THSD4: variants seen among roughly 807,000 people sequenced by gnomAD.
THSD4 encodes the protein thrombospondin type-1 domain-containing protein 4.
THSD4 carries 69 observed loss-of-function variants against 119.0 expected under a neutral mutation model. That is an observed-to-expected ratio of 0.58 (90% CI 0.48 to 0.71). THSD4 has a LOEUF of 0.71. Ranked by LOEUF, THSD4 falls within the 30% of genes least tolerant of loss-of-function variation. The pLI is 0.00. For synonymous variants in THSD4, 524 were observed against 540.4 expected, an observed-to-expected ratio of 0.97 and a Z score of 0.42; for missense variants, 1,393 against 1,391.1, an observed-to-expected ratio of 1.00 and a Z score of -0.02.
chr15:71,110,731 C>T (rs1330129624), upstream of THSD4: 4 of 185,026 alleles, frequency 2.2e-5, no homozygotes, highest in Non-Finnish European at 3.4e-5. Flanking sequence ...CCCTGCCTTC[C>T]TCAGGGTCTT....
chr15:71,444,584 A>G (rs144528769), intron 7 of THSD4, among the ~76,000 whole-genome samples: 136 of 152,324 alleles, frequency 8.9e-4, no homozygotes, highest in African/African-American at 3.0e-3. Flanking sequence ...GCTGCACGTG[A>G]CTAAACCTGA....
intron 14 of THSD4, among the ~76,000 whole-genome samples, chr15:71,750,489 G>A (rs1418591240): frequency 6.6e-6 from 1 of 152,176 alleles, no homozygotes; most frequent in East Asian, 1.9e-4. Flanking sequence ...AGAGAGGAAG[G>A]ACAAACCTGC....
intron 1 of THSD4, among the ~76,000 whole-genome samples, chr15:71,134,782 C>G (rs2040534148): frequency 6.6e-6 from 1 of 152,236 alleles, no homozygotes; most frequent in Non-Finnish European, 1.5e-5. Context: ...TCTCCAGCAC[C>G]TGTTGTTTCC....
At chr15:71,156,900 A>T (rs2040783562) in intron 3 of THSD4, among the ~76,000 whole-genome samples, 1 of 152,136 alleles carries the variant, frequency 6.6e-6, no homozygotes, top group Non-Finnish European at 1.5e-5. Flanking sequence ...AAACCTGGCC[A>T]AGGTCTAAGC....
intron 6 of THSD4, among the ~76,000 whole-genome samples, chr15:71,388,569 A>T (rs986795526): frequency 6.6e-6 from 1 of 152,080 alleles, no homozygotes; most frequent in African/African-American, 2.4e-5. Context: ...TATAGGACAG[A>T]GTGGTCTGGT....
At chr15:71,639,346 A>G (rs2050810362) in intron 7 of THSD4, among the ~76,000 whole-genome samples, 1 of 152,232 alleles carries the variant, frequency 6.6e-6, no homozygotes, top group Non-Finnish European at 1.5e-5. Context: ...TGGGAATGAC[A>G]TTCACTTAAG....
At position 71,599,626 on chromosome 15, in the gene THSD4, C is replaced by T. The variant is rs113955968; in HGVS notation, c.1153-60904C>T. Among the ~76,000 whole-genome samples the T allele has an allele frequency of 5.0e-3, 759 of 152,290 alleles. 6 individuals carry two copies. Among genetic ancestry groups the T allele is most frequent in the African/African-American group, 0.017 (712 of 41,552 alleles). ...CAGGCTAATTACATGCCATCAAGCC[C>T]GTGGTATGTGCTCCCCTGGCAAGGC... is the stretch of plus-strand genomic sequence containing the variant. On this transcript the variant is annotated intron_variant, in intron 7 of 17. Transcript: ENST00000261862.
At chr15:71,146,280 C>T (rs2040659980) in intron 2 of THSD4, among the ~76,000 whole-genome samples, 1 of 152,198 alleles carries the variant, frequency 6.6e-6, no homozygotes, top group Non-Finnish European at 1.5e-5. Context: ...GCACAAACCA[C>T]ACCCATAAGC....
chr15:71,569,863 G>A (rs1053281472), intron 7 of THSD4, among the ~76,000 whole-genome samples: 1 of 152,162 alleles, frequency 6.6e-6, no homozygotes, highest in Non-Finnish European at 1.5e-5. Context: ...ACGTGGTGGT[G>A]TGTGCCTGTA....
chr15:71,628,683 T>A (rs1304982856), intron 7 of THSD4, among the ~76,000 whole-genome samples: 5 of 152,212 alleles, frequency 3.3e-5, no homozygotes, highest in Non-Finnish European at 7.3e-5. Flanking sequence ...AACAAGGGTG[T>A]CAATACACTT....
intron 6 of THSD4, among the ~76,000 whole-genome samples, chr15:71,339,538 G>A (rs1047244067): frequency 1.3e-5 from 2 of 151,944 alleles, no homozygotes; most frequent in African/African-American, 2.4e-5. Context: ...ATCTATTATC[G>A]ATCAGGTATG....
chr15:71,456,158 G>A (rs1165351353), intron 7 of THSD4, among the ~76,000 whole-genome samples: 1 of 152,118 alleles, frequency 6.6e-6, no homozygotes, highest in Non-Finnish European at 1.5e-5. Context: ...TTTACTTTTG[G>A]ATTACTTAAA....
chr15:71,660,861 G>A (rs2051292633), intron 8 of THSD4, 127 bp downstream of exon 8: 7 of 1,030,164 alleles, frequency 6.8e-6, no homozygotes, highest in East Asian at 2.6e-5. Flanking sequence ...CCTGGGGAAT[G>A]TCAAAGTACC....
chr15:71,753,293 G>A (rs1396005820), intron 14 of THSD4, among the ~76,000 whole-genome samples: 2 of 152,138 alleles, frequency 1.3e-5, no homozygotes, highest in African/African-American at 4.8e-5. Context: ...TCAATGATAG[G>A]TTTAAGCCCA....
intron 4 of THSD4, among the ~76,000 whole-genome samples, chr15:71,236,930 C>T (rs370791246): frequency 1.1e-4 from 16 of 152,106 alleles, no homozygotes; most frequent in African/African-American, 1.4e-4. Context: ...AAAATGCTTC[C>T]GTTGAATCCT....
chr15:71,112,318 G>C, upstream of THSD4: 95 of 1,224,438 alleles, frequency 7.8e-5, no homozygotes, highest in Non-Finnish European at 9.9e-5. Flanking sequence ...ATGAAGGGGG[G>C]TACTATTAAT....
chr15:71,736,554 G>A lies in THSD4; in HGVS notation c.1631-1178G>A, dbSNP rs541369822. ...CTCTTGCTCTCTGTCTCTCTCTCTC[G>A]CTGTCTCTCTTTCTTACTCTGTTTC... On this transcript the variant is annotated intron_variant, in intron 10 of 17. Transcript: ENST00000261862. 2.0e-4 allele frequency among the ~76,000 whole-genome samples: 29 copies of A among 141,760 alleles called. No homozygotes were observed. In the South Asian group the frequency reaches 2.3e-3, roughly 11 times the overall value. 93.0% of individuals were successfully genotyped at this position (141,760 alleles called of 152,430 possible).
intron 7 of THSD4, among the ~76,000 whole-genome samples, chr15:71,647,294 C>T (rs574444835): frequency 1.1e-4 from 17 of 152,290 alleles, no homozygotes; most frequent in African/African-American, 3.4e-4. Context: ...TGCAAGAGAA[C>T]GGAAATTCTC....
intron 7 of THSD4, among the ~76,000 whole-genome samples, chr15:71,511,475 A>G (rs1013518449): frequency 6.6e-6 from 1 of 152,230 alleles, no homozygotes; most frequent in African/African-American, 2.4e-5. Context: ...CCTCCCAGGA[A>G]AAAGGAAAAA....
Sources: gnomAD v4.1 joint callset for allele counts (sites outside exome capture counted in the v4.1 genomes callset) on GRCh38, gnomAD v4.1.1 for gene constraint, MANE v1.5 for transcripts, NCBI Gene and HGNC (gene_info 2026-07-23, HGNC 2026-07-21) for gene names.